AFAP1L1: variants seen among roughly 807,000 people sequenced by gnomAD.
The protein encoded by AFAP1L1 is actin filament-associated protein 1-like 1.
In AFAP1L1, 77 loss-of-function variants were observed where a neutral mutation model predicts 99.8. That is an observed-to-expected ratio of 0.77 (90% confidence interval 0.64 to 0.93). The LOEUF is 0.93. AFAP1L1 is among the 40% of genes least tolerant of loss of function. The pLI is 0.00. For missense variants in AFAP1L1, 893 were observed against 996.8 expected (o/e 0.90, Z 1.40); for synonymous variants, 373 against 395.3 (o/e 0.94, Z 0.67).
At chr5:149,277,600 T>C (rs965239271) in intron 1 of AFAP1L1, among the ~76,000 whole-genome samples, 1 of 152,248 alleles carries the variant, frequency 6.6e-6, no homozygotes, top group Non-Finnish European at 1.5e-5. Context: ...AAAGGAACCC[T>C]TATCCATATT....
intron 1 of AFAP1L1, among the ~76,000 whole-genome samples, chr5:149,275,832 T>C (rs1755303233): frequency 6.6e-6 from 1 of 152,156 alleles, no homozygotes; most frequent in African/African-American, 2.4e-5. Flanking sequence ...AGGACACCAG[T>C]CCTATTGGAT....
rs1322924996 is a variant in AFAP1L1 at position 149,271,933 on chromosome 5, C to A, written c.-36C>A. The A allele has an allele frequency of 2.4e-6, 3 of 1,224,982 alleles. No individual in the cohort carries two copies. The highest frequency in any genetic ancestry group is 2.0e-6 in the Non-Finnish European group (2 of 982,878). The allele number at this position is 1,224,982 out of a possible 1,614,324, so 75.9% of individuals were successfully genotyped here. ...TACCAGCCGCGCCGGAGCCCCTGCGCCCTGCGGCCCGCTCCCCGGGGACCG... is the reference window on the plus strand; with the variant it reads ...TACCAGCCGCGCCGGAGCCCCTGCGACCTGCGGCCCGCTCCCCGGGGACCG... On this transcript the variant is annotated 5_prime_UTR_variant, in exon 1 of 19. Coordinates refer to ENST00000296721, the MANE Select transcript of AFAP1L1 (RefSeq NM_152406.4).
chr5:149,271,875 T>G lies in AFAP1L1; in HGVS notation c.-94T>G, dbSNP rs1755117636. ...GGGGACCGCAGAGAGCGCCGGCCGC[T>G]GGGCTGGCCTGAGAGCGCAGCGCGC... On this transcript the variant is annotated 5_prime_UTR_variant, in exon 1 of 19. Coordinates refer to ENST00000296721, the MANE Select transcript of AFAP1L1 (RefSeq NM_152406.4). 1.0e-6 allele frequency: 1 copy of G among 1,002,030 alleles called. No individual in the cohort carries two copies. 62.1% of individuals were successfully genotyped at this position (1,002,030 alleles called of 1,614,324 possible).
chr5:149,319,939 A>G (rs1196657425), intron 13 of AFAP1L1, among the ~76,000 whole-genome samples: 5 of 152,226 alleles, frequency 3.3e-5, no homozygotes, highest in Admixed American at 2.0e-4. Flanking sequence ...CAAGCTGTGG[A>G]TGGAAGGAGC....
chr5:149,340,304 T>C lies in AFAP1L1; in HGVS notation c.*274T>C, dbSNP rs1757525602. 1 of 387,776 alleles carries C rather than the reference T, an allele frequency of 2.6e-6. No homozygotes were observed. Among genetic ancestry groups the C allele is most frequent in the Non-Finnish European group, 4.8e-6 (1 of 210,002 alleles). The allele number at this position is 387,776 out of a possible 1,614,324, so 24.0% of individuals were successfully genotyped here. A position where few individuals can be genotyped will look rare whatever the true frequency, so the allele number is the denominator to read the frequency against. The stretch of plus-strand genomic sequence containing the variant: ...AGAAGTCTGCACAGCTGTAAAGGTT[T>C]TATAGATGTCTTTGCCTTCCCTTCT... On this transcript the variant is annotated 3_prime_UTR_variant, in exon 19 of 19. Transcript: ENST00000296721.
intron 9 of AFAP1L1, among the ~76,000 whole-genome samples, chr5:149,313,427 C>T (rs1756700446): frequency 6.6e-6 from 1 of 152,202 alleles, no homozygotes; most frequent in Non-Finnish European, 1.5e-5. Context: ...ATTTTCATAA[C>T]AACTCTTTGG....
At chr5:149,335,785 C>G in intron 18 of AFAP1L1, 63 bp downstream of exon 18, 1 of 1,575,848 alleles carries the variant, frequency 6.3e-7, no homozygotes, top group Non-Finnish European at 8.6e-7. Context: ...TATGGAACTT[C>G]ACCCAAAACC....
rs375687008 is a variant in AFAP1L1, at chr5:149,300,352, T to G, written c.227T>G (p.Phe76Cys). 3 of 1,612,440 alleles carry G rather than the reference T, an allele frequency of 1.9e-6. No homozygotes were observed. Among genetic ancestry groups the G allele is most frequent in the Non-Finnish European group, 2.5e-6 (3 of 1,179,208 alleles). ...TTCGTGGAATCCCTCTTTGAAGAAT[T>G]TGGTAAGTGACCCTCTCCCAACCTC... ...PSFVESLFEEFDCDLSDLRDM... is the reference protein window; with the variant it reads ...PSFVESLFEECDCDLSDLRDM... The change falls in exon 3 of 19, where the codon TTT becomes TGT. Residue 76 changes from phenylalanine (F) to cysteine (C), a missense_variant and splice_region_variant. Transcript: ENST00000296721.
intron 5 of AFAP1L1, 85 bp from the exon 6 acceptor site, chr5:149,306,221 C>T: frequency 8.8e-7 from 1 of 1,140,642 alleles, no homozygotes; most frequent in Non-Finnish European, 1.3e-6. Context: ...TGAGGTGGAG[C>T]AGGGGTGTCA....
chr5:149,307,415 C>T lies in AFAP1L1; in HGVS notation c.549C>T (p.Asp183=), dbSNP rs754956697. 33 of 1,613,892 alleles carry T rather than the reference C, an allele frequency of 2.0e-5. No individual in the cohort carries two copies. The highest frequency in any genetic ancestry group is 1.6e-4 in the Middle Eastern group (1 of 6,084). ...TGACGCCTGCAGATAATGACTCTGA[C>T]GCAATGAGCAGCTCCTATGAGTCCT... ...GELKSSYNDS[D]AMSSSYESYD... Residue 183 remains aspartate (D), a synonymous_variant, in exon 7 of 19, where the codon GAC becomes GAT. Transcript: ENST00000296721.
At chr5:149,298,176 C>T (rs914017509) in intron 1 of AFAP1L1, among the ~76,000 whole-genome samples, 1 of 151,776 alleles carries the variant, frequency 6.6e-6, no homozygotes. Flanking sequence ...CTCCTGTTTC[C>T]TCAGGAGGGC....
chr5:149,300,026 C>T (rs552765814), intron 2 of AFAP1L1, among the ~76,000 whole-genome samples: 22 of 152,350 alleles, frequency 1.4e-4, no homozygotes, highest in African/African-American at 3.1e-4. Flanking sequence ...CCCTAGCATA[C>T]GCCTGACAGC....
chr5:149,292,952 G>T (rs1755905161), intron 1 of AFAP1L1, among the ~76,000 whole-genome samples: 1 of 152,196 alleles, frequency 6.6e-6, no homozygotes, highest in East Asian at 1.9e-4. Context: ...CTTGGAGGGG[G>T]TCCTTGGAAT....
chr5:149,328,668 G>A (rs1757160726), intron 15 of AFAP1L1, among the ~76,000 whole-genome samples: 1 of 152,092 alleles, frequency 6.6e-6, no homozygotes, highest in Non-Finnish European at 1.5e-5. Context: ...AATTAGCCAG[G>A]CATGGTGGCG....
At chr5:149,333,883 A>G (rs541312707) in intron 17 of AFAP1L1, among the ~76,000 whole-genome samples, 3 of 152,134 alleles carry the variant, frequency 2.0e-5, no homozygotes, top group East Asian at 3.9e-4. Context: ...ATTCTTCCTC[A>G]TAGCACTTAA....
intron 1 of AFAP1L1, among the ~76,000 whole-genome samples, chr5:149,290,719 C>G (rs1056145019): frequency 6.6e-6 from 1 of 151,742 alleles, no homozygotes; most frequent in African/African-American, 2.4e-5. Flanking sequence ...TTTTTGTTGC[C>G]TGATTTTTTT....
intron 7 of AFAP1L1, among the ~76,000 whole-genome samples, 183 bp from the exon 8 acceptor site, chr5:149,309,773 A>C (rs1345165088): frequency 6.6e-6 from 1 of 152,074 alleles, no homozygotes; most frequent in African/African-American, 2.4e-5. Context: ...GCCTCCTCCC[A>C]GGCTTCTCTT....
At chr5:149,287,163 G>A (rs1755708543) in intron 1 of AFAP1L1, among the ~76,000 whole-genome samples, 1 of 152,142 alleles carries the variant, frequency 6.6e-6, no homozygotes, top group Non-Finnish European at 1.5e-5. Flanking sequence ...GCAGCAATAT[G>A]GATAAATCTT....
intron 1 of AFAP1L1, among the ~76,000 whole-genome samples, chr5:149,272,193 G>A (rs935524401): frequency 2.0e-5 from 3 of 152,200 alleles, no homozygotes; most frequent in African/African-American, 7.2e-5. Flanking sequence ...CGTGTCCTGG[G>A]GCCAACTCGC....
Sources: gnomAD v4.1 joint callset for allele counts (sites outside exome capture counted in the v4.1 genomes callset) on GRCh38, gnomAD v4.1.1 for gene constraint, MANE v1.5 for transcripts, NCBI Gene and HGNC (gene_info 2026-07-23, HGNC 2026-07-21) for gene names.